Variants in ARHGAP4 observed in about 807,000 individuals in gnomAD.
ARHGAP4 encodes the protein Rho GTPase activating protein 4, also known as rho GTPase-activating protein 4.
In ARHGAP4, 25 loss-of-function variants were observed where a neutral mutation model predicts 67.6. That is an observed-to-expected ratio of 0.37 (90% confidence interval 0.27 to 0.52). The LOEUF is 0.52. Ranked by LOEUF, ARHGAP4 falls within the 20% of genes least tolerant of loss-of-function variation. The pLI, the probability that ARHGAP4 is intolerant of heterozygous loss-of-function variation, is 0.92. For missense variants in ARHGAP4, 804 were observed against 854.6 expected, an observed-to-expected ratio of 0.94 and a Z score of 0.74; for synonymous variants, 448 against 373.7, an observed-to-expected ratio of 1.20 and a Z score of -2.29.
intron 7 of ARHGAP4, among the ~76,000 whole-genome samples, chrX:153,918,286 G>A (rs1173506961): frequency 4.6e-5 from 5 of 107,818 alleles, no homozygotes; most frequent in Non-Finnish European, 9.6e-5. Flanking sequence ...ATGGAAAATG[G>A]CTGCTTGACA....
chrX:153,913,371 C>G (rs782378496), intron 9 of ARHGAP4, 38 bp downstream of exon 9: 5 of 1,207,154 alleles, frequency 4.1e-6, no homozygotes, highest in Non-Finnish European at 5.6e-6. Context: ...CCCAGCAATG[C>G]CCCCACGGGT....
chrX:153,910,388 C>T lies in ARHGAP4; in HGVS notation c.1939G>A (p.Asp647Asn). ...TTGTAGGGGTCCATCATGTTCTCAT[C>T]GCTGTACTGGGCCAGGCTGGGGGGA... ...TFLNHLAQYS[D>N]ENMMDPYNLA... is the part of the protein sequence containing the mutation. Residue 647 changes from aspartate to asparagine, a missense_variant, in exon 17 of 22, where the codon GAT becomes AAT. Asp to Asn is a conservative substitution (Grantham distance 23). This residue lies in a region of ARHGAP4 where 400 missense variants were observed against 348.7 expected (regional missense o/e 1.15). Coordinates refer to ENST00000350060, the MANE Select transcript of ARHGAP4 (RefSeq NM_001666.5). 1.7e-6 allele frequency: 2 copies of T among 1,197,958 alleles called. No individual in the cohort carries two copies. The highest frequency in any genetic ancestry group is 2.3e-6 in the Non-Finnish European group (2 of 887,226).
chrX:153,909,028 C>T (rs1402879807), intron 21 of ARHGAP4, 42 bp downstream of exon 21: 4 of 1,172,343 alleles, frequency 3.4e-6, no homozygotes, highest in Middle Eastern at 2.3e-4. Context: ...GCAGAGATCC[C>T]CCAGGACAGA....
At position 153,910,597 on chromosome X, in the gene ARHGAP4, C is replaced by A. The variant is rs1557102874; in HGVS notation, c.1831G>T (p.Ala611Ser). 8.3e-7 allele frequency: 1 copy of A among 1,207,174 alleles called. No homozygotes were observed. Among genetic ancestry groups the A allele is most frequent in the Admixed American group, 2.2e-5 (1 of 45,920 alleles). The change falls in exon 16 of 22, where the codon GCG (alanine) becomes TCG (serine). Residue 611 changes from alanine (A) to serine (S), a missense_variant. Around this residue, in one of 2 missense-constraint regions of ARHGAP4, gnomAD observed 400 missense variants for 348.7 expected, o/e 1.15. Coordinates refer to ENST00000350060, the MANE Select transcript of ARHGAP4 (RefSeq NM_001666.5). ...LLASSELEATAERVEHVSRLL... is the reference protein window; with the variant it reads ...LLASSELEATSERVEHVSRLL... Reference sequence around the variant, plus strand: ...CGGCTCACGTGCTCCACCCTCTCCGCTGTGGCCTCCAGCTCTGTGGCCAAA... The same window carrying A: ...CGGCTCACGTGCTCCACCCTCTCCGATGTGGCCTCCAGCTCTGTGGCCAAA...
intron 1 of ARHGAP4, among the ~76,000 whole-genome samples, chrX:153,924,582 C>T (rs1557105857): frequency 9.0e-6 from 1 of 111,683 alleles, no homozygotes; most frequent in African/African-American, 3.3e-5. Flanking sequence ...GGCGGGGTGG[C>T]CACTGACGCC....
intron 5 of ARHGAP4, 77 bp downstream of exon 5, chrX:153,920,549 C>T (rs2065085558): frequency 9.4e-7 from 1 of 1,062,455 alleles, no homozygotes; most frequent in Admixed American, 3.2e-5. Context: ...CCAGCCCTGA[C>T]TTCCCCCTCA....
At position 153,913,260 on chromosome X, in the gene ARHGAP4, G is replaced by A. The variant is rs1302747286; in HGVS notation, c.1369C>T (p.Leu457=). 2 of 1,170,931 alleles carry A rather than the reference G, an allele frequency of 1.7e-6. No individual in the cohort carries two copies. Among genetic ancestry groups the A allele is most frequent in the Non-Finnish European group, 2.3e-6 (2 of 875,386 alleles). The part of the protein sequence containing the change: ...YLSGRSILAK[L]QAKHEKLQEA... ...TGCAGCTTCTCGTGCTTGGCCTGCA[G>A]CTTGGCGAGGATGCTCCGTCCACTC... Residue 457 remains leucine, a synonymous_variant, in exon 10 of 22, where the codon CTG becomes TTG. Coordinates refer to ENST00000350060, the MANE Select transcript of ARHGAP4 (RefSeq NM_001666.5).
Position 153,909,180 on chromosome X carries a change from G to C in ARHGAP4, c.2508-11C>G, listed in dbSNP as rs782584354. ...GTGCATGGCTCTGGCCTGCAGGACAGACAGGGAGCCTGGTGGGGGCCCTGG... is the reference window on the plus strand; with the variant it reads ...GTGCATGGCTCTGGCCTGCAGGACACACAGGGAGCCTGGTGGGGGCCCTGG... On this transcript the variant is annotated splice_polypyrimidine_tract_variant and intron_variant, in intron 20 of 21. Coordinates refer to ENST00000350060, the MANE Select transcript of ARHGAP4 (RefSeq NM_001666.5). The C allele has an allele frequency of 1.7e-6, 2 of 1,194,454 alleles. No homozygotes were observed. Among genetic ancestry groups the C allele is most frequent in the Non-Finnish European group, 2.3e-6 (2 of 884,914 alleles).
intron 7 of ARHGAP4, among the ~76,000 whole-genome samples, chrX:153,916,573 T>C (rs1186222837): frequency 1.8e-5 from 2 of 113,171 alleles, no homozygotes; most frequent in Non-Finnish European, 3.7e-5. Flanking sequence ...CTGGGGAAAC[T>C]GGCCGGGCCA....
chrX:153,913,063 G>A lies in ARHGAP4; in HGVS notation c.1412-12C>T. 8.4e-7 allele frequency: 1 copy of A among 1,189,058 alleles called. No homozygotes were observed. On this transcript the variant is annotated splice_polypyrimidine_tract_variant and intron_variant, in intron 10 of 21. Coordinates refer to ENST00000350060, the MANE Select transcript of ARHGAP4 (RefSeq NM_001666.5). The stretch of plus-strand genomic sequence containing the variant: ...CTCCTCCTTGTCACCTGTGGGGTGG[G>A]AGAACATTGGTCTGCCTCTCGGGCC...
intron 1 of ARHGAP4, chrX:153,922,108 A>C: frequency 1.1e-6 from 1 of 949,661 alleles, no homozygotes. Flanking sequence ...GAGCCGCCCC[A>C]GCGCCAGCCA....
intron 5 of ARHGAP4, chrX:153,920,359 TA>T (rs1329775691): frequency 4.0e-5 from 15 of 374,711 alleles, no homozygotes; most frequent in African/African-American, 2.8e-4. Flanking sequence ...TCTGAAACCT[TA>T]CGGAATGGCT....
chrX:153,925,006 G>A (rs1386407271), intron 1 of ARHGAP4, among the ~76,000 whole-genome samples: 2 of 111,954 alleles, frequency 1.8e-5, no homozygotes, highest in African/African-American at 6.5e-5. Flanking sequence ...AGTCGTGCTC[G>A]AAACCCCAAC....
chrX:153,924,999 C>T (rs1277647813), intron 1 of ARHGAP4, among the ~76,000 whole-genome samples: 3 of 112,029 alleles, frequency 2.7e-5, no homozygotes, highest in African/African-American at 9.7e-5. Flanking sequence ...CTTAGACAGT[C>T]GTGCTCGAAA....
At chrX:153,918,228 G>A (rs983302810) in intron 7 of ARHGAP4, among the ~76,000 whole-genome samples, 3 of 111,198 alleles carry the variant, frequency 2.7e-5, no homozygotes, top group East Asian at 2.8e-4. Context: ...GCAGGGAAGC[G>A]TGTGGTGGCT....
At chrX:153,913,709 A>G in intron 8 of ARHGAP4, 69 bp downstream of exon 8, 1 of 1,171,907 alleles carries the variant, frequency 8.5e-7, no homozygotes, top group Non-Finnish European at 1.2e-6. Context: ...CAGGGCAGCC[A>G]CTTCCAACAG....
In ARHGAP4 at chrX:153,907,920, C is replaced by T; in HGVS notation, c.2650G>A (p.Gly884Arg). The change falls in exon 22 of 22, where the codon GGA becomes AGA. Residue 884 changes from glycine to arginine, a missense_variant. Physicochemically the swap from Gly to Arg is moderately radical, Grantham distance 125 (BLOSUM62 -2). This residue lies in a region of ARHGAP4 where 400 missense variants were observed against 348.7 expected (regional missense o/e 1.15). Coordinates refer to ENST00000350060, the MANE Select transcript of ARHGAP4 (RefSeq NM_001666.5). Reference sequence around the variant, plus strand: ...AGGCCCTGGCGGACAGAGGTCTTTCCCAAGAGCTCCTTAAACACAGAGTCC... The same window carrying T: ...AGGCCCTGGCGGACAGAGGTCTTTCTCAAGAGCTCCTTAAACACAGAGTCC... ...NMDSVFKELL[G>R]KTSVRQGLGP... 1 of 1,076,622 alleles carries T rather than the reference C, an allele frequency of 9.3e-7. No homozygotes were observed. The highest frequency in any genetic ancestry group is 1.2e-6 in the Non-Finnish European group (1 of 825,756). 88.7% of individuals were successfully genotyped at this position (1,076,622 alleles called of 1,213,427 possible). A position where few individuals can be genotyped will look rare whatever the true frequency, so the allele number is the denominator to read the frequency against.
rs1557102024 is a variant in ARHGAP4 at position 153,909,135 on chromosome X, G to A, written c.2542C>T (p.Pro848Ser). The A allele has an allele frequency of 8.3e-7, 1 of 1,211,104 alleles. No individual in the cohort carries two copies. The highest frequency in any genetic ancestry group is 1.1e-6 in the Non-Finnish European group (1 of 895,300). The change falls in exon 21 of 22, where the codon CCC becomes TCC. Residue 848 changes from proline (P) to serine (S), a missense_variant. Transcript: ENST00000350060. ...AAGCAGCGTCGTCTGTGTCCAGAGG[G>A]TCCCATGGCCTCAGGTGAGGTGCAT... is the stretch of plus-strand genomic sequence containing the variant. ...EPCTSPEAMG[P>S]SGHRRRCLVP... is the part of the protein sequence containing the mutation.
chrX:153,919,722 GATC>G, intron 5 of ARHGAP4: 1 of 1,096,837 alleles, frequency 9.1e-7, no homozygotes. Flanking sequence ...GGTAGGGATA[GATC>G]ATCAAGAGCC....
Sources: allele counts gnomAD v4.1 joint callset (sites outside exome capture counted in the v4.1 genomes callset), GRCh38; gene constraint gnomAD v4.1.1; regional missense constraint gnomAD v4.1.1; transcripts MANE v1.5; gene names NCBI Gene and HGNC (gene_info 2026-07-23, HGNC 2026-07-21).